Variants in DLC1 observed in about 807,000 individuals in gnomAD.
DLC1 encodes the protein rho GTPase-activating protein 7.
A neutral mutation model predicts 140.3 loss-of-function variants in DLC1; 54 were observed. That is an observed-to-expected ratio of 0.38 (90% CI 0.31 to 0.48). The LOEUF is 0.48. DLC1 is among the 20% of genes least tolerant of loss of function. The pLI, the probability that DLC1 is intolerant of heterozygous loss-of-function variation, is 0.96. For synonymous variants in DLC1, 986 were observed against 728.1 expected (o/e 1.35, Z -5.70); for missense variants, 2,536 against 1,907.0 (o/e 1.33, Z -6.14).
intron 4 of DLC1, among the ~76,000 whole-genome samples, chr8:13,315,615 A>G (rs923120746): frequency 6.6e-6 from 1 of 152,130 alleles, no homozygotes; most frequent in Non-Finnish European, 1.5e-5. Flanking sequence ...CTCTCCTTAA[A>G]TCACAGGAGC....
intron 1 of DLC1, among the ~76,000 whole-genome samples, chr8:13,597,679 A>G (rs373134316): frequency 5.2e-4 from 79 of 152,234 alleles, no homozygotes; most frequent in African/African-American, 1.9e-3. Flanking sequence ...ACTGACCATA[A>G]TAACAGATGA....
chr8:13,381,976 T>C (rs2117163864), intron 4 of DLC1, among the ~76,000 whole-genome samples: 1 of 152,192 alleles, frequency 6.6e-6, no homozygotes, highest in South Asian at 2.1e-4. Flanking sequence ...ACATCAAACA[T>C]ACTGTTAGCA....
chr8:13,450,130 T>A (rs1255621149), intron 2 of DLC1, among the ~76,000 whole-genome samples: 1 of 151,978 alleles, frequency 6.6e-6, no homozygotes, highest in Non-Finnish European at 1.5e-5. Flanking sequence ...AAAATAAATT[T>A]ATTGAGTAAA....
chr8:13,265,030 G>A (rs965503666), intron 5 of DLC1, among the ~76,000 whole-genome samples: 1 of 152,172 alleles, frequency 6.6e-6, no homozygotes, highest in Non-Finnish European at 1.5e-5. Context: ...CTTGGCTTCT[G>A]ACCTTCAGAG....
At chr8:13,270,788 T>C (rs1830900384) in intron 5 of DLC1, among the ~76,000 whole-genome samples, 1 of 152,138 alleles carries the variant, frequency 6.6e-6, no homozygotes, top group Admixed American at 6.6e-5. Flanking sequence ...CCAAAGCCAA[T>C]TATAGAGGTG....
At chr8:13,165,642 C>A (rs1048318514) in intron 5 of DLC1, among the ~76,000 whole-genome samples, 1 of 152,204 alleles carries the variant, frequency 6.6e-6, no homozygotes, top group Non-Finnish European at 1.5e-5. Flanking sequence ...AACAGCTGCT[C>A]CTTCAACTAC....
At chr8:13,141,615 G>T (rs899524246) in intron 5 of DLC1, among the ~76,000 whole-genome samples, 12 of 152,020 alleles carry the variant, frequency 7.9e-5, no homozygotes, top group Non-Finnish European at 1.6e-4. Flanking sequence ...GGGTGGGTTC[G>T]GGCAATTGCC....
chr8:13,154,679 C>T (rs748627591), intron 5 of DLC1, among the ~76,000 whole-genome samples: 7 of 152,304 alleles, frequency 4.6e-5, no homozygotes, highest in South Asian at 2.1e-4. Context: ...GCTGGTCAAG[C>T]GGGGCCAGAG....
At chr8:13,188,499 G>C (rs2117011642) in intron 5 of DLC1, among the ~76,000 whole-genome samples, 1 of 149,124 alleles carries the variant, frequency 6.7e-6, no homozygotes, top group South Asian at 2.1e-4. Context: ...AGTTGAGAGG[G>C]ACTTTCTATA....
At chr8:13,488,292 C>G (rs552585086) in intron 2 of DLC1, among the ~76,000 whole-genome samples, 1 of 152,160 alleles carries the variant, frequency 6.6e-6, no homozygotes. Context: ...ATATCTCCTG[C>G]TAATGCCTTA....
chr8:13,475,559 C>T (rs186276754), intron 2 of DLC1, among the ~76,000 whole-genome samples: 28 of 152,232 alleles, frequency 1.8e-4, no homozygotes, highest in African/African-American at 6.5e-4. Flanking sequence ...GAATAGCGAC[C>T]ATAGAAAATA....
Position 13,291,988 on chromosome 8 carries a change from CTT to C in DLC1, c.1348+13279_1348+13280del, listed in dbSNP as rs5889429. ...AGACAAACAAAAAATGCAATGTTTT[CTT>C]TTTTTTTTTTTTCTATCTTCTGTCT... On this transcript the variant is annotated intron_variant, in intron 5 of 17. Coordinates refer to ENST00000276297, the MANE Select transcript of DLC1 (RefSeq NM_182643.3). Among the ~76,000 whole-genome samples the C allele has an allele frequency of 3.8e-3, 550 of 145,608 alleles. 1 individual carries two copies. The highest frequency in any genetic ancestry group is 0.011 in the Middle Eastern group (3 of 278).
rs906001008 is a variant in DLC1, at chr8:13,100,651, C to T, written c.1686G>A (p.Leu562=). The T allele has an allele frequency of 2.5e-6, 4 of 1,614,132 alleles. No homozygotes were observed. Among genetic ancestry groups the T allele is most frequent in the Middle Eastern group, 3.3e-4 (2 of 6,062 alleles). Residue 562 remains leucine, a synonymous_variant, in exon 9 of 18, where the codon CTG becomes CTA. Transcript: ENST00000276297. ...GGGAGTCGTCTGGGGACCCAGGGAC[C>T]AGGTCTTGTTTTGGAGAAAAGACAT... The part of the protein sequence containing the change: ...EFDVFSPKQD[L]VPGSPDDSHP...
At chr8:13,419,438 T>C (rs899163052) in intron 2 of DLC1, among the ~76,000 whole-genome samples, 3 of 152,244 alleles carry the variant, frequency 2.0e-5, no homozygotes, top group Non-Finnish European at 4.4e-5. Context: ...TGTTGAATTT[T>C]GTCAAAGGCC....
At chr8:13,349,908 C>G (rs1180282281) in intron 4 of DLC1, among the ~76,000 whole-genome samples, 1 of 152,176 alleles carries the variant, frequency 6.6e-6, no homozygotes, top group Admixed American at 6.5e-5. Context: ...ATGACTGGAT[C>G]CAGCTGCATA....
intron 1 of DLC1, among the ~76,000 whole-genome samples, chr8:13,546,554 A>G (rs1803655131): frequency 1.3e-5 from 2 of 152,168 alleles, no homozygotes. Flanking sequence ...ACAGAATATG[A>G]CTGGTTTATC....
In DLC1 at chr8:13,364,532, G is replaced by A. The variant is rs552130883; in HGVS notation, c.1314+29021C>T. ...GGCTGGTCTCGAACTCCCAACCTCA[G>A]GTGATCCTCCCGCCTTGGCCTTCCA... On this transcript the variant is annotated intron_variant, in intron 4 of 17. Transcript: ENST00000276297. 5.9e-5 allele frequency among the ~76,000 whole-genome samples: 9 copies of A among 152,142 alleles called. No homozygotes were observed. In the South Asian group the frequency reaches 1.5e-3, roughly 25 times the overall value.
At chr8:13,446,770 G>T (rs1343645440) in intron 2 of DLC1, among the ~76,000 whole-genome samples, 1 of 152,054 alleles carries the variant, frequency 6.6e-6, no homozygotes, top group African/African-American at 2.4e-5. Flanking sequence ...GTGAAACCCT[G>T]TCTCTATTAA....
At chr8:13,088,763 G>C (rs1469583210) in intron 15 of DLC1, 59 bp from the exon 16 acceptor site, 2 of 1,516,890 alleles carry the variant, frequency 1.3e-6, no homozygotes, top group African/African-American at 2.8e-5. Flanking sequence ...AGTTTTTGAA[G>C]TCGAATTGTT....
Sources: gnomAD v4.1 joint callset for allele counts (sites outside exome capture counted in the v4.1 genomes callset) on GRCh38, gnomAD v4.1.1 for gene constraint, MANE v1.5 for transcripts, NCBI Gene and HGNC (gene_info 2026-07-23, HGNC 2026-07-21) for gene names.